The following BORCS5 variants were observed in gnomAD, a reference collection of about 807,000 sequenced individuals.
BORCS5 encodes BLOC-1-related complex subunit 5.
BORCS5 carries 17 observed loss-of-function variants against 22.1 expected under a neutral mutation model. The observed-to-expected ratio is 0.77, with a 90% CI of 0.53 to 1.15. The LOEUF is 1.15. Among genes scored for constraint, BORCS5 ranks in the 50% most tolerant of loss-of-function variants. The pLI, the probability that BORCS5 is intolerant of heterozygous loss-of-function variation, is 0.00. For missense variants in BORCS5, 247 were observed against 253.2 expected (o/e 0.98, Z 0.17); for synonymous variants, 117 against 99.8 (o/e 1.17, Z -1.03).
chr12:12,415,576 A>AAGGGGAGGGGGGGGGGGG (rs1404626287), intron 2 of BORCS5, among the ~76,000 whole-genome samples: 13 of 37,896 alleles, frequency 3.4e-4, no homozygotes, highest in East Asian at 7.5e-4. Context: ...GGGGAGGGGG[A>AAGGGGAGGGGGGGGGGGG]GGGGCGATTT....
chr12:12,430,237 G>C (rs191575312), intron 2 of BORCS5, among the ~76,000 whole-genome samples: 2,625 of 141,662 alleles, frequency 0.019, 38 homozygotes, highest in South Asian at 0.028. Context: ...TGCAAGCTCT[G>C]CCTCCTGGGT....
chr12:12,432,674 T>C (rs911571048), intron 2 of BORCS5, among the ~76,000 whole-genome samples: 2 of 152,156 alleles, frequency 1.3e-5, no homozygotes, highest in African/African-American at 4.8e-5. Flanking sequence ...ATATATACCA[T>C]GGAATACTAC....
chr12:12,358,175 TGAG>T (rs967452713), intron 1 of BORCS5, among the ~76,000 whole-genome samples: 29 of 152,246 alleles, frequency 1.9e-4, no homozygotes, highest in African/African-American at 6.8e-4. Flanking sequence ...GATGTTTAAT[TGAG>T]GACCATTTGC....
At chr12:12,361,074 G>T in intron 1 of BORCS5, 132 bp from the exon 2 acceptor site, 2 of 852,324 alleles carry the variant, frequency 2.3e-6, no homozygotes, top group Non-Finnish European at 3.7e-6. Flanking sequence ...ATTCATCCCT[G>T]CCACCCCAAC....
chr12:12,431,830 A>T (rs1352370987), intron 2 of BORCS5, among the ~76,000 whole-genome samples: 1 of 151,670 alleles, frequency 6.6e-6, no homozygotes, highest in Non-Finnish European at 1.5e-5. Context: ...AGTAGCTGGG[A>T]CTACAGGTGC....
intron 2 of BORCS5, among the ~76,000 whole-genome samples, chr12:12,403,675 T>C (rs1941528450): frequency 6.6e-6 from 1 of 152,190 alleles, no homozygotes; most frequent in Admixed American, 6.5e-5. Flanking sequence ...AAGGCTGTGA[T>C]GTACACGCTT....
intron 3 of BORCS5, among the ~76,000 whole-genome samples, chr12:12,455,243 A>G (rs1481778644): frequency 2.6e-5 from 4 of 152,212 alleles, no homozygotes; most frequent in African/African-American, 7.2e-5. Context: ...TTAGAACCCT[A>G]AAAAGAGGCA....
intron 2 of BORCS5, among the ~76,000 whole-genome samples, chr12:12,364,016 TTA>T (rs1482786764): frequency 6.6e-6 from 1 of 152,220 alleles, no homozygotes; most frequent in Non-Finnish European, 1.5e-5. Flanking sequence ...ATCTTTTGTG[TTA>T]TATGTTATTA....
At chr12:12,360,567 ATTTT>A (rs35965943) in intron 1 of BORCS5, among the ~76,000 whole-genome samples, 5 of 89,226 alleles carry the variant, frequency 5.6e-5, no homozygotes, top group Admixed American at 1.3e-4. Context: ...ATTAAAAGAA[ATTTT>A]TTTTTTTTTT....
intron 2 of BORCS5, among the ~76,000 whole-genome samples, chr12:12,415,172 C>T (rs1202930694): frequency 5.9e-5 from 9 of 151,676 alleles, no homozygotes; most frequent in East Asian, 2.0e-4. Context: ...GCTGCAATCT[C>T]GGCACTTTGG....
chr12:12,387,051 A>G (rs1341409283), intron 2 of BORCS5, among the ~76,000 whole-genome samples: 1 of 151,276 alleles, frequency 6.6e-6, no homozygotes, highest in Non-Finnish European at 1.5e-5. Context: ...TACTTTTTTT[A>G]GAAATGTGGT....
At chr12:12,426,998 T>C (rs954390071) in intron 2 of BORCS5, among the ~76,000 whole-genome samples, 1 of 152,076 alleles carries the variant, frequency 6.6e-6, no homozygotes, top group African/African-American at 2.4e-5. Context: ...ATGACTGCCG[T>C]TGCCCCCTCG....
At chr12:12,449,320 C>T (rs552464994) in intron 3 of BORCS5, among the ~76,000 whole-genome samples, 9 of 152,172 alleles carry the variant, frequency 5.9e-5, no homozygotes, top group Non-Finnish European at 1.3e-4. Flanking sequence ...TCATGGGACC[C>T]GAGGAAAGCT....
chr12:12,428,059 A>G (rs1825059598), intron 2 of BORCS5, among the ~76,000 whole-genome samples: 2 of 152,204 alleles, frequency 1.3e-5, no homozygotes, highest in Admixed American at 1.3e-4. Context: ...TCAAAGTTAT[A>G]TTTAATTTCT....
chr12:12,362,424 TTTA>T (rs890059094), intron 2 of BORCS5, among the ~76,000 whole-genome samples: 5 of 152,240 alleles, frequency 3.3e-5, no homozygotes, highest in African/African-American at 1.2e-4. Flanking sequence ...CAGTTTCTTT[TTTA>T]TTATTATTTA....
intron 3 of BORCS5, chr12:12,452,546 G>A (rs1942930900): frequency 5.5e-6 from 2 of 362,722 alleles, no homozygotes; most frequent in Non-Finnish European, 5.5e-6. Flanking sequence ...CGCAAGCCTC[G>A]CCTCGTGATC....
At chr12:12,413,615 G>A (rs1334556583) in intron 2 of BORCS5, among the ~76,000 whole-genome samples, 242 of 137,262 alleles carry the variant, frequency 1.8e-3, no homozygotes, top group Non-Finnish European at 3.2e-3. Context: ...CAGACGGGTC[G>A]TGGCCGGGCA....
intron 3 of BORCS5, among the ~76,000 whole-genome samples, chr12:12,455,816 T>C (rs564126693): frequency 6.6e-6 from 1 of 151,686 alleles, no homozygotes; most frequent in African/African-American, 2.4e-5. Context: ...TAAGTCCATA[T>C]GCAGTCTTTT....
At chr12:12,421,835 G>T (rs1417272527) in intron 2 of BORCS5, among the ~76,000 whole-genome samples, 5 of 152,166 alleles carry the variant, frequency 3.3e-5, no homozygotes, top group African/African-American at 1.2e-4. Context: ...TAGTTTATTT[G>T]TGTAGAAGTG....
Sources: allele counts gnomAD v4.1 joint callset (sites outside exome capture counted in the v4.1 genomes callset), GRCh38; gene constraint gnomAD v4.1.1; transcripts MANE v1.5; gene names NCBI Gene and HGNC (gene_info 2026-07-23, HGNC 2026-07-21).